KIAA1549L: variants seen among roughly 807,000 people sequenced by gnomAD.
KIAA1549L encodes the protein KIAA1549 like.
A neutral mutation model predicts 160.7 loss-of-function variants in KIAA1549L; 88 were observed. That is an observed-to-expected ratio of 0.55 (90% CI 0.46 to 0.65). KIAA1549L has a LOEUF of 0.65. KIAA1549L is among the 30% of genes least tolerant of loss of function. The pLI is 0.00. For synonymous variants in KIAA1549L, 950 were observed against 976.7 expected, an observed-to-expected ratio of 0.97 and a Z score of 0.51; for missense variants, 2,258 against 2,437.5, an observed-to-expected ratio of 0.93 and a Z score of 1.55.
intron 1 of KIAA1549L, among the ~76,000 whole-genome samples, chr11:33,475,127 A>AG (rs1590272290): frequency 6.6e-6 from 1 of 152,166 alleles, no homozygotes. Flanking sequence ...TTCTGAGCAG[A>AG]GGGGGCCAGA....
intron 7 of KIAA1549L, among the ~76,000 whole-genome samples, chr11:33,561,058 A>G (rs905559770): frequency 1.3e-5 from 2 of 152,238 alleles, no homozygotes; most frequent in Admixed American, 6.5e-5. Context: ...CTTTGCATGT[A>G]TCAACTCCAG....
chr11:33,660,794 G>A, intron 19 of KIAA1549L, 69 bp from the exon 20 acceptor site: 1 of 1,499,296 alleles, frequency 6.7e-7, no homozygotes, highest in Non-Finnish European at 9.1e-7. Flanking sequence ...GACTTTATTT[G>A]GCTCTTGGGT....
rs1394942738 is a variant in KIAA1549L, at chr11:33,435,796, A to ATGTGTG, written c.238+58908_238+58909insGTGTGT. 5.2e-4 allele frequency among the ~76,000 whole-genome samples: 18 copies of ATGTGTG among 34,656 alleles called. 2 individuals are homozygous for ATGTGTG. In the South Asian group the frequency reaches 8.6e-3, roughly 17 times the overall value. 22.7% of individuals were successfully genotyped at this position (34,656 alleles called of 152,430 possible). ...TATATATATATATATATATATATAT[A>ATGTGTG]TATATATATATATATGTGTGTGTAT... On this transcript the variant is annotated intron_variant, in intron 1 of 20. Coordinates refer to ENST00000658780, the MANE Select transcript of KIAA1549L (RefSeq NM_012194.3).
chr11:33,559,716 G>A (rs2281381), intron 6 of KIAA1549L, 33 bp from the exon 7 acceptor site: 613,392 of 1,596,068 alleles, frequency 0.38, 119,446 homozygotes, highest in Middle Eastern at 0.48. Flanking sequence ...TATTTGGCCT[G>A]TCTCCCTCCC....
intron 16 of KIAA1549L, among the ~76,000 whole-genome samples, chr11:33,627,176 T>A: frequency 1.7e-5 from 2 of 117,902 alleles, no homozygotes; most frequent in Non-Finnish European, 1.8e-5. Flanking sequence ...TTATTGAGGA[T>A]TTTTGCATCA....
intron 1 of KIAA1549L, among the ~76,000 whole-genome samples, chr11:33,459,647 C>G (rs1342640853): frequency 1.3e-5 from 2 of 152,140 alleles, no homozygotes; most frequent in Admixed American, 1.3e-4. Context: ...TCAGTCCTGT[C>G]CCTTGTTTGG....
chr11:33,398,060 T>C (rs1850423374), intron 1 of KIAA1549L, among the ~76,000 whole-genome samples: 1 of 151,588 alleles, frequency 6.6e-6, no homozygotes, highest in South Asian at 2.1e-4. Context: ...TAGCTGGGAT[T>C]ACAGGTGCCT....
At position 33,544,010 on chromosome 11, in the gene KIAA1549L, C is replaced by G. The variant is rs1314276683; in HGVS notation, c.2447C>G (p.Ala816Gly). ...AACCATTCCAGAGACTTCCAAACAG[C>G]TGAAGTTGCATATTACTCACCCACA... ...NNNHSRDFQTAEVAYYSPTTR... is the reference protein window; with the variant it reads ...NNNHSRDFQTGEVAYYSPTTR... Residue 816 changes from alanine to glycine, a missense_variant, in exon 2 of 21, where the codon GCT becomes GGT. Coordinates refer to ENST00000658780, the MANE Select transcript of KIAA1549L (RefSeq NM_012194.3). The G allele has an allele frequency of 3.1e-6, 5 of 1,613,896 alleles. No homozygotes were observed. Among genetic ancestry groups the G allele is most frequent in the Non-Finnish European group, 3.4e-6 (4 of 1,179,896 alleles).
chr11:33,399,748 T>A (rs898026775), intron 1 of KIAA1549L, among the ~76,000 whole-genome samples: 9 of 152,232 alleles, frequency 5.9e-5, no homozygotes, highest in Admixed American at 2.6e-4. Context: ...TAATTTTTTT[T>A]AAATCCCTTC....
At chr11:33,591,063 A>G (rs1199885616) in intron 11 of KIAA1549L, among the ~76,000 whole-genome samples, 174 bp from the exon 12 acceptor site, 4 of 152,220 alleles carry the variant, frequency 2.6e-5, no homozygotes, top group African/African-American at 9.7e-5. Flanking sequence ...TGGAATTAAC[A>G]TGGATTCTGA....
chr11:33,591,096 A>G (rs1850038641), intron 11 of KIAA1549L, 141 bp from the exon 12 acceptor site: 1 of 666,384 alleles, frequency 1.5e-6, no homozygotes, highest in Admixed American at 2.7e-5. Context: ...GGAAATAATG[A>G]TGGGGATTTG....
At chr11:33,457,571 G>A (rs1232032773) in intron 1 of KIAA1549L, among the ~76,000 whole-genome samples, 3 of 152,176 alleles carry the variant, frequency 2.0e-5, no homozygotes, top group African/African-American at 7.2e-5. Flanking sequence ...CGGCCCACAA[G>A]TATCTAAGTC....
intron 1 of KIAA1549L, among the ~76,000 whole-genome samples, chr11:33,406,571 A>G (rs193043369): frequency 3.9e-3 from 597 of 152,362 alleles, no homozygotes; most frequent in Non-Finnish European, 5.8e-3. Context: ...GTTGTGTTGT[A>G]ATCCGCGCAG....
chr11:33,580,137 A>G (rs1328781868), intron 10 of KIAA1549L, among the ~76,000 whole-genome samples: 1 of 152,190 alleles, frequency 6.6e-6, no homozygotes, highest in Non-Finnish European at 1.5e-5. Context: ...AGAGGTTTGC[A>G]TCTGGTCCAT....
intron 1 of KIAA1549L, among the ~76,000 whole-genome samples, chr11:33,525,808 G>C (rs1413771466): frequency 6.6e-6 from 1 of 152,080 alleles, no homozygotes; most frequent in African/African-American, 2.4e-5. Flanking sequence ...GGCTTTGCTG[G>C]CTGTGTGGGA....
intron 1 of KIAA1549L, among the ~76,000 whole-genome samples, chr11:33,431,975 C>T (rs889432168): frequency 1.1e-4 from 17 of 152,242 alleles, no homozygotes; most frequent in Non-Finnish European, 1.9e-4. Context: ...CCCTCCGTAG[C>T]CACTGGCCCG....
At chr11:33,659,183 C>T (rs1271015934) in intron 19 of KIAA1549L, among the ~76,000 whole-genome samples, 1 of 152,200 alleles carries the variant, frequency 6.6e-6, no homozygotes, top group Non-Finnish European at 1.5e-5. Context: ...GTCTTTAAAG[C>T]ATTCCAGATA....
At chr11:33,624,396 C>T (rs929864002) in intron 16 of KIAA1549L, among the ~76,000 whole-genome samples, 1 of 152,146 alleles carries the variant, frequency 6.6e-6, no homozygotes, top group East Asian at 1.9e-4. Flanking sequence ...ACTCCTGGGC[C>T]ACCTATGTCT....
chr11:33,403,296 C>CACGCAGACACACAG (rs1554973904), intron 1 of KIAA1549L: 6,372 of 82,796 alleles, frequency 0.077, 658 homozygotes, highest in East Asian at 0.2. Flanking sequence ...CACACACACA[C>CACGCAGACACACAG]ACACGCATAC....
Sources: gnomAD v4.1 joint callset for allele counts (sites outside exome capture counted in the v4.1 genomes callset) on GRCh38, gnomAD v4.1.1 for gene constraint, MANE v1.5 for transcripts, NCBI Gene and HGNC (gene_info 2026-07-23, HGNC 2026-07-21) for gene names.